RABL6: variants seen among roughly 807,000 people sequenced by gnomAD.
RABL6 encodes RAB, member RAS oncogene family like 6.
A neutral mutation model predicts 72.9 loss-of-function variants in RABL6; 28 were observed. That is an observed-to-expected ratio of 0.38 (90% confidence interval 0.28 to 0.53). The LOEUF (loss-of-function observed/expected upper bound fraction) is 0.53, where lower values mean the gene tolerates loss of function less well. RABL6 is among the 20% of genes least tolerant of loss of function. RABL6 has a pLI of 0.80. For synonymous variants in RABL6, 477 were observed against 421.2 expected, an observed-to-expected ratio of 1.13 and a Z score of -1.62; for missense variants, 1,029 against 1,008.4, an observed-to-expected ratio of 1.02 and a Z score of -0.28.
intron 7 of RABL6, 64 bp from the exon 8 acceptor site, chr9:136,835,678 G>C (rs1317771131): frequency 6.9e-7 from 1 of 1,445,306 alleles, no homozygotes; most frequent in Non-Finnish European, 9.4e-7. Context: ...TTCAGGGGCT[G>C]TGGGGCTGGG....
In RABL6 at chr9:136,840,573, C is replaced by T. The variant is rs1588376822; in HGVS notation, c.*51C>T. 4 of 1,548,760 alleles carry T rather than the reference C, an allele frequency of 2.6e-6. No individual in the cohort carries two copies. Among genetic ancestry groups the T allele is most frequent in the Admixed American group, 2.0e-5 (1 of 50,992 alleles). On this transcript the variant is annotated 3_prime_UTR_variant, in exon 15 of 15. Coordinates refer to ENST00000311502, the MANE Select transcript of RABL6 (RefSeq NM_024718.5). ...GGGCGGGGGGCGTGCCTGTCACTGC[C>T]TGGGGAGGCATTTGCCTCTGTACCA...
rs1238377931 is a variant in RABL6, at chr9:136,837,886, C to T, written c.1151C>T (p.Pro384Leu). The change falls in exon 10 of 15, where the codon CCA becomes CTA. Residue 384 changes from proline (P) to leucine (L), a missense_variant. By Grantham distance (98) the Pro-to-Leu change is moderately conservative. Around this residue, in one of 2 missense-constraint regions of RABL6, gnomAD observed 434 missense variants for 536.1 expected, o/e 0.81. Coordinates refer to ENST00000311502, the MANE Select transcript of RABL6 (RefSeq NM_024718.5). ...GAGCCAGTCCCGGCCGCAGAGGGCC[C>T]AGCAACGGTCCAGAGTGTGGAGGAC... ...PPEPVPAAEG[P>L]ATVQSVEDFV... The T allele has an allele frequency of 1.3e-6, 2 of 1,550,238 alleles. No homozygotes were observed. The highest frequency in any genetic ancestry group is 2.4e-5 in the South Asian group (2 of 84,062).
chr9:136,831,598 TG>T, intron 5 of RABL6, 122 bp from the exon 6 acceptor site: 2 of 1,399,282 alleles, frequency 1.4e-6, no homozygotes, highest in Non-Finnish European at 2.0e-6. Context: ...ATGCTTCTGC[TG>T]GGTTGGATGT....
chr9:136,840,089 C>T (rs1357840720), intron 13 of RABL6, 65 bp from the exon 14 acceptor site: 1 of 1,605,122 alleles, frequency 6.2e-7, no homozygotes, highest in Non-Finnish European at 8.5e-7. Flanking sequence ...CTAGAGAAGT[C>T]CTGTCACCCA....
intron 1 of RABL6, chr9:136,809,727 T>TAG (rs1204130527): frequency 6.5e-6 from 1 of 154,312 alleles, no homozygotes; most frequent in African/African-American, 2.4e-5. Context: ...AAGTTCAAAT[T>TAG]AGAGTCAGCG....
At chr9:136,832,033 C>G in intron 6 of RABL6, 172 bp downstream of exon 6, 21 of 1,103,374 alleles carry the variant, frequency 1.9e-5, no homozygotes, top group Non-Finnish European at 2.4e-5. Context: ...ATGGCAGGGC[C>G]GGGAACTGTG....
At chr9:136,808,348 GGCGCGGGAGCGCC>G in intron 1 of RABL6, 22 bp downstream of exon 1, 1 of 1,494,942 alleles carries the variant, frequency 6.7e-7, no homozygotes, top group African/African-American at 1.5e-5. Flanking sequence ...GGGCCGGGGG[GGCGCGGGAGCGCC>G]GCGCGGGTCT....
chr9:136,835,954 T>A (rs890439138), intron 8 of RABL6, 109 bp downstream of exon 8: 27 of 1,092,884 alleles, frequency 2.5e-5, no homozygotes, highest in Non-Finnish European at 3.3e-5. Flanking sequence ...GTCCCCTGTT[T>A]GGGGTAAATT....
chr9:136,840,693 G>A lies in RABL6; in HGVS notation c.*171G>A, dbSNP rs1278457367. 1.3e-6 allele frequency: 2 copies of A among 1,548,904 alleles called. No homozygotes were observed. The highest frequency in any genetic ancestry group is 1.2e-5 in the South Asian group (1 of 84,004). ...CCCAGGCTGGGCCCTGCAGGTGCTG[G>A]GCCTTCAGGCCCAGTGTGAGCCTGC... On this transcript the variant is annotated 3_prime_UTR_variant, in exon 15 of 15. Coordinates refer to ENST00000311502, the MANE Select transcript of RABL6 (RefSeq NM_024718.5).
intron 1 of RABL6, chr9:136,813,494 C>T (rs906649830): frequency 1.9e-4 from 89 of 466,646 alleles, no homozygotes; most frequent in Non-Finnish European, 3.3e-4. Flanking sequence ...GGCCATCCAT[C>T]TCTGTTCCCT....
chr9:136,835,515 G>A, intron 7 of RABL6: 3 of 500,576 alleles, frequency 6.0e-6, no homozygotes, highest in South Asian at 6.1e-5. Context: ...CCCAAGCCAT[G>A]CTGGCAGTGT....
At chr9:136,837,074 A>G in intron 8 of RABL6, 1 of 583,342 alleles carries the variant, frequency 1.7e-6, no homozygotes, top group Non-Finnish European at 3.1e-6. Flanking sequence ...ACGGGGTTTC[A>G]CTGCGTTAGC....
intron 1 of RABL6, among the ~76,000 whole-genome samples, chr9:136,819,888 C>A (rs1477142011): frequency 8.6e-5 from 13 of 151,452 alleles, no homozygotes; most frequent in Admixed American, 8.6e-4. Context: ...AAAGCAAGAC[C>A]CTGTCTCTAA....
chr9:136,813,002 C>T (rs983951235), intron 1 of RABL6: 6 of 359,966 alleles, frequency 1.7e-5, no homozygotes, highest in Non-Finnish European at 2.7e-5. Context: ...GCCTCCTTGG[C>T]GCTTTTGGCA....
At chr9:136,834,602 C>T in intron 7 of RABL6, 1 of 482,290 alleles carries the variant, frequency 2.1e-6, no homozygotes, top group Non-Finnish European at 2.7e-6. Context: ...CCTAAGCCTC[C>T]CAAGTAGCTG....
intron 1 of RABL6, among the ~76,000 whole-genome samples, chr9:136,816,622 CAGG>C (rs1299911535): frequency 6.7e-6 from 1 of 149,760 alleles, no homozygotes; most frequent in Non-Finnish European, 1.5e-5. Context: ...GAGGCGGAGG[CAGG>C]AGAATTGCTT....
chr9:136,824,669 A>AAG (rs1462461394), intron 2 of RABL6, among the ~76,000 whole-genome samples: 2 of 152,068 alleles, frequency 1.3e-5, no homozygotes, highest in African/African-American at 2.4e-5. Flanking sequence ...TGCAAAAAAA[A>AAG]AAAAACTAGT....
intron 4 of RABL6, among the ~76,000 whole-genome samples, chr9:136,829,183 A>G (rs2099171782): frequency 6.6e-6 from 1 of 152,246 alleles, no homozygotes; most frequent in South Asian, 2.1e-4. Context: ...AGGCTTGTTC[A>G]GGGAGCCATC....
At chr9:136,821,785 C>T in intron 1 of RABL6, 1 of 1,171,984 alleles carries the variant, frequency 8.5e-7, no homozygotes, top group Non-Finnish European at 1.1e-6. Context: ...CCTCTGTTCT[C>T]CAAGTTCTCC....
Sources: gnomAD v4.1 joint callset for allele counts (sites outside exome capture counted in the v4.1 genomes callset) on GRCh38, gnomAD v4.1.1 for gene constraint, gnomAD v4.1.1 regional missense constraint, MANE v1.5 for transcripts, NCBI Gene and HGNC (gene_info 2026-07-23, HGNC 2026-07-21) for gene names.